The following ADAMTS12 variants were observed in gnomAD, a reference collection of about 807,000 sequenced individuals.
ADAMTS12 encodes A disintegrin and metalloproteinase with thrombospondin motifs 12.
In ADAMTS12, 118 loss-of-function variants were observed where a neutral mutation model predicts 167.8. That is an observed-to-expected ratio of 0.70 (90% confidence interval 0.61 to 0.82). The LOEUF is 0.82. Among genes scored for constraint, ADAMTS12 ranks in the 40% least tolerant of loss-of-function variants. The probability of loss-of-function intolerance (pLI) is 0.00; values close to 1 mark genes in which losing one functional copy is unlikely to be tolerated. For missense variants in ADAMTS12, 1,916 were observed against 1,998.8 expected (o/e 0.96, Z 0.79); for synonymous variants, 704 against 716.9 (o/e 0.98, Z 0.29).
At chr5:33,630,296 T>A (rs1294972466) in intron 13 of ADAMTS12, among the ~76,000 whole-genome samples, 2 of 152,164 alleles carry the variant, frequency 1.3e-5, no homozygotes, top group Non-Finnish European at 2.9e-5. Flanking sequence ...ATAGACTTGA[T>A]TAATGAAGTG....
intron 3 of ADAMTS12, among the ~76,000 whole-genome samples, chr5:33,726,650 G>C (rs1579878717): frequency 6.6e-6 from 1 of 150,878 alleles, no homozygotes; most frequent in African/African-American, 2.5e-5. Context: ...TCTGTGATTG[G>C]TTGAAGTGTG....
intron 6 of ADAMTS12, among the ~76,000 whole-genome samples, chr5:33,661,522 G>A (rs1741259332): frequency 6.6e-6 from 1 of 152,132 alleles, no homozygotes. Context: ...TTTCTACATT[G>A]GAGAAAAATA....
At chr5:33,761,704 T>C (rs1745362340) in intron 2 of ADAMTS12, among the ~76,000 whole-genome samples, 2 of 152,228 alleles carry the variant, frequency 1.3e-5, no homozygotes, top group Admixed American at 1.3e-4. Flanking sequence ...GTCATAATTA[T>C]AGCAAAATAA....
In ADAMTS12 at chr5:33,525,651, G is replaced by A. The variant is rs755004889; in HGVS notation, c.*1537C>T. 10 of 152,078 alleles carry A rather than the reference G, an allele frequency of 6.6e-5. No individual in the cohort carries two copies. The highest frequency in any genetic ancestry group is 1.3e-4 in the Non-Finnish European group (9 of 68,018). 9.4% of individuals were successfully genotyped at this position (152,078 alleles called of 1,614,324 possible). ...TTTTAATAGCACCATTCTGCTGAACGGATAGGTAAAGGGAGACGTGGGATA... is the reference window on the plus strand; with the variant it reads ...TTTTAATAGCACCATTCTGCTGAACAGATAGGTAAAGGGAGACGTGGGATA... On this transcript the variant is annotated 3_prime_UTR_variant, in exon 24 of 24. Coordinates refer to ENST00000504830, the MANE Select transcript of ADAMTS12 (RefSeq NM_030955.4).
At chr5:33,778,599 G>A (rs1746002025) in intron 2 of ADAMTS12, among the ~76,000 whole-genome samples, 1 of 149,900 alleles carries the variant, frequency 6.7e-6, no homozygotes, top group African/African-American at 2.5e-5. Flanking sequence ...ATTGACATTG[G>A]TCTTGGCAAG....
At chr5:33,809,322 TA>T (rs142711192) in intron 2 of ADAMTS12, among the ~76,000 whole-genome samples, 2,106 of 152,312 alleles carry the variant, frequency 0.014, 55 homozygotes, top group African/African-American at 0.048. Flanking sequence ...TTCAGAATTC[TA>T]CATTGACACT....
intron 16 of ADAMTS12, among the ~76,000 whole-genome samples, chr5:33,604,860 T>C (rs1738361590): frequency 6.6e-6 from 1 of 152,130 alleles, no homozygotes; most frequent in Non-Finnish European, 1.5e-5. Context: ...AAAAGGAAAT[T>C]ACACTCTAAT....
At chr5:33,707,626 C>G (rs1217871295) in intron 3 of ADAMTS12, among the ~76,000 whole-genome samples, 1 of 152,156 alleles carries the variant, frequency 6.6e-6, no homozygotes, top group Non-Finnish European at 1.5e-5. Context: ...TGGAACACAA[C>G]AGAGGCCTCA....
intron 2 of ADAMTS12, among the ~76,000 whole-genome samples, chr5:33,794,611 G>A (rs1746702103): frequency 6.7e-6 from 1 of 150,246 alleles, no homozygotes; most frequent in Non-Finnish European, 1.5e-5. Flanking sequence ...GGTGCAGGTA[G>A]GCACGGCACT....
intron 3 of ADAMTS12, among the ~76,000 whole-genome samples, chr5:33,691,234 C>T (rs939330821): frequency 1.3e-5 from 2 of 152,182 alleles, no homozygotes; most frequent in Non-Finnish European, 2.9e-5. Context: ...GACTCTCCTA[C>T]TGGGAAATTT....
At chr5:33,851,903 C>A (rs1365905029) in intron 2 of ADAMTS12, among the ~76,000 whole-genome samples, 1 of 151,338 alleles carries the variant, frequency 6.6e-6, no homozygotes, top group Non-Finnish European at 1.5e-5. Flanking sequence ...CATGTGCAAG[C>A]ACACACACAC....
chr5:33,672,206 C>T (rs760257591), intron 5 of ADAMTS12, among the ~76,000 whole-genome samples: 2 of 149,646 alleles, frequency 1.3e-5, no homozygotes, highest in African/African-American at 4.9e-5. Context: ...TACACACACA[C>T]CCCCACATAC....
At chr5:33,766,781 C>T (rs543201682) in intron 2 of ADAMTS12, among the ~76,000 whole-genome samples, 10 of 152,142 alleles carry the variant, frequency 6.6e-5, no homozygotes, top group African/African-American at 1.9e-4. Context: ...AAAATTATCC[C>T]GTAGTAAAAT....
intron 3 of ADAMTS12, among the ~76,000 whole-genome samples, chr5:33,727,008 A>G (rs1214832861): frequency 6.6e-6 from 1 of 151,946 alleles, no homozygotes; most frequent in Non-Finnish European, 1.5e-5. Flanking sequence ...TCCTGGGTGA[A>G]TCAAATCTCT....
chr5:33,700,776 TATG>T (rs1194664586), intron 3 of ADAMTS12, among the ~76,000 whole-genome samples: 4 of 152,238 alleles, frequency 2.6e-5, no homozygotes, highest in African/African-American at 9.6e-5. Flanking sequence ...TAAAAGATGT[TATG>T]ATTAAGCGAG....
intron 20 of ADAMTS12, among the ~76,000 whole-genome samples, chr5:33,556,346 C>A (rs1308232058): frequency 6.6e-6 from 1 of 152,168 alleles, no homozygotes; most frequent in African/African-American, 2.4e-5. Flanking sequence ...CTGGGAGAAA[C>A]CTGAGGATGA....
At chr5:33,645,187 C>T (rs1315143177) in intron 9 of ADAMTS12, among the ~76,000 whole-genome samples, 4 of 139,228 alleles carry the variant, frequency 2.9e-5, no homozygotes, top group South Asian at 2.3e-4. Flanking sequence ...ATTATTATTG[C>T]GTGAAGGCAC....
rs16899936 is a variant in ADAMTS12 at position 33,770,005 on chromosome 5, C to T, written c.490-18457G>A. ...TGTTTTGCTGCAAATCACAATGATG[C>T]TGTATGAATGATTTTCTTTTGAAAA... is the stretch of plus-strand genomic sequence containing the variant. On this transcript the variant is annotated intron_variant, in intron 2 of 23. Coordinates refer to ENST00000504830, the MANE Select transcript of ADAMTS12 (RefSeq NM_030955.4). Among the ~76,000 whole-genome samples, 1,784 of 152,192 alleles carry T rather than the reference C, an allele frequency of 0.012. 81 individuals are homozygous for T. The East Asian group carries it at 0.15, about 12-fold the overall frequency.
At chr5:33,735,859 ATC>A (rs1410923697) in intron 3 of ADAMTS12, among the ~76,000 whole-genome samples, 9 of 152,148 alleles carry the variant, frequency 5.9e-5, no homozygotes, top group Admixed American at 5.9e-4. Flanking sequence ...GTCACTATGA[ATC>A]TGAAATGTTC....
Sources: gnomAD v4.1 joint callset for allele counts (sites outside exome capture counted in the v4.1 genomes callset) on GRCh38, gnomAD v4.1.1 for gene constraint, MANE v1.5 for transcripts, NCBI Gene and HGNC (gene_info 2026-07-23, HGNC 2026-07-21) for gene names.